DGAT2: variants seen among roughly 807,000 people sequenced by gnomAD.
The protein encoded by DGAT2 is acyl-CoA retinol O-fatty-acyltransferase.
Under a neutral mutation model 48.4 loss-of-function variants are expected in DGAT2, and 33 were observed. That is an observed-to-expected ratio of 0.68 (90% CI 0.52 to 0.91). DGAT2 has a LOEUF of 0.91. DGAT2 is among the 40% of genes least tolerant of loss of function. DGAT2 has a pLI of 0.00. For synonymous variants in DGAT2, 191 were observed against 194.1 expected, an observed-to-expected ratio of 0.98 and a Z score of 0.13; for missense variants, 446 against 493.7, an observed-to-expected ratio of 0.90 and a Z score of 0.92.
chr11:75,794,393 A>G (rs1052738807), intron 4 of DGAT2: 7 of 152,232 alleles, frequency 4.6e-5, no homozygotes, highest in Non-Finnish European at 1.0e-4. Context: ...GGCACTTTGC[A>G]GCACTCAGGT....
chr11:75,796,191 G>T, intron 4 of DGAT2, 137 bp from the exon 5 acceptor site: 1 of 724,356 alleles, frequency 1.4e-6, no homozygotes, highest in Non-Finnish European at 2.4e-6. Flanking sequence ...TCTGAGGTAA[G>T]GTGTGGAGAT....
intron 1 of DGAT2, among the ~76,000 whole-genome samples, chr11:75,770,866 C>G (rs898867223): frequency 6.6e-6 from 1 of 151,992 alleles, no homozygotes; most frequent in African/African-American, 2.4e-5. Context: ...GTATGAAATG[C>G]AAACCAGTCA....
intron 6 of DGAT2, among the ~76,000 whole-genome samples, chr11:75,797,823 A>AG (rs1183985085): frequency 6.6e-6 from 1 of 151,810 alleles, no homozygotes; most frequent in Non-Finnish European, 1.5e-5. Context: ...AGGGTGGGGG[A>AG]GGGTAGAGGG....
Position 75,800,770 on chromosome 11 carries a change from T to C in DGAT2, c.*262T>C. ...CAGCTAACCTCTCTTCTTCCCTTCC[T>C]GAAGTGACAAAGGAAACTCAGTCTT... On this transcript the variant is annotated 3_prime_UTR_variant, in exon 8 of 8. Coordinates refer to ENST00000228027, the MANE Select transcript of DGAT2 (RefSeq NM_032564.5). The C allele has an allele frequency of 2.5e-6, 1 of 407,658 alleles. No individual in the cohort carries two copies. Among genetic ancestry groups the C allele is most frequent in the Non-Finnish European group, 4.4e-6 (1 of 225,234 alleles). 25.3% of individuals were successfully genotyped at this position (407,658 alleles called of 1,614,324 possible). A position where few individuals can be genotyped will look rare whatever the true frequency, so the allele number is the denominator to read the frequency against.
chr11:75,800,546 G>C lies in DGAT2; in HGVS notation c.*38G>C. ...GGCCAATTCCCTGGAGGAACCAGCT[G>C]CAAATCACTTTTTTGCTCTGTAAAT... On this transcript the variant is annotated 3_prime_UTR_variant, in exon 8 of 8. Transcript: ENST00000228027. The C allele has an allele frequency of 6.2e-7, 1 of 1,603,714 alleles. No individual in the cohort carries two copies. The highest frequency in any genetic ancestry group is 8.5e-7 in the Non-Finnish European group (1 of 1,174,950).
intron 1 of DGAT2, chr11:75,776,326 A>G: frequency 6.6e-6 from 1 of 152,292 alleles, no homozygotes; most frequent in East Asian, 1.9e-4. Flanking sequence ...ACCAGGGCCC[A>G]GATGAATGAG....
chr11:75,793,987 G>C (rs1056527254), intron 4 of DGAT2: 3 of 152,232 alleles, frequency 2.0e-5, no homozygotes, highest in Admixed American at 1.3e-4. Flanking sequence ...CTATGGATTA[G>C]ACTGCTGCTG....
rs763346691 is a variant in DGAT2 at position 75,797,218 on chromosome 11, A to G, written c.695A>G (p.Asn232Ser). Residue 232 changes from asparagine (N) to serine (S), a missense_variant, in exon 6 of 8, where the codon AAT becomes AGT. Coordinates refer to ENST00000228027, the MANE Select transcript of DGAT2 (RefSeq NM_032564.5). The stretch of plus-strand genomic sequence containing the variant: ...TTGCTTTCAAAGAATGGGAGTGGCA[A>G]TGCTATCATCATCGTGGTCGGGGGT... The part of the protein sequence containing the change: ...DYLLSKNGSG[N>S]AIIIVVGGAA... 3.8e-6 allele frequency: 6 copies of G among 1,579,004 alleles called. No individual in the cohort carries two copies. Among genetic ancestry groups the G allele is most frequent in the African/African-American group, 2.7e-5 (2 of 73,130 alleles).
At position 75,769,052 on chromosome 11, in the gene DGAT2, G is replaced by C; in HGVS notation, c.61G>C (p.Asp21His). 6.3e-7 allele frequency: 1 copy of C among 1,580,406 alleles called. No individual in the cohort carries two copies. Among genetic ancestry groups the C allele is most frequent in the East Asian group, 2.4e-5 (1 of 40,942 alleles). ...GCGCGGCGAGCGTCAGGCCGAGGCT[G>C]ACCGGAGCCAGCGCTCTCACGGAGG... ...VLRGERQAEA[D>H]RSQRSHGGPA... The change falls in exon 1 of 8, where the codon GAC becomes CAC. Residue 21 changes from aspartate (D) to histidine (H), a missense_variant. Physicochemically the swap from Asp to His is moderately conservative, Grantham distance 81. Transcript: ENST00000228027.
chr11:75,785,330 G>GC (rs1944910116), intron 2 of DGAT2, among the ~76,000 whole-genome samples: 1 of 152,154 alleles, frequency 6.6e-6, no homozygotes, highest in South Asian at 2.1e-4. Context: ...GTCATGATGG[G>GC]CCCCCATTAC....
chr11:75,783,663 G>T (rs1272190024), intron 1 of DGAT2, among the ~76,000 whole-genome samples: 1 of 152,128 alleles, frequency 6.6e-6, no homozygotes, highest in Non-Finnish European at 1.5e-5. Flanking sequence ...AGCAAAGAGG[G>T]GTTTGAGGTG....
intron 2 of DGAT2, among the ~76,000 whole-genome samples, chr11:75,788,642 G>A (rs191880754): frequency 7.2e-4 from 109 of 152,310 alleles, no homozygotes; most frequent in African/African-American, 2.6e-3. Flanking sequence ...AACCAAAGGA[G>A]GCTCAACATG....
chr11:75,783,893 C>T (rs995262226), intron 1 of DGAT2, among the ~76,000 whole-genome samples: 2 of 152,208 alleles, frequency 1.3e-5, no homozygotes, highest in African/African-American at 4.8e-5. Flanking sequence ...AACATAATTA[C>T]AGCCCTCAGT....
intron 7 of DGAT2, 120 bp downstream of exon 7, chr11:75,798,549 A>G (rs571760342): frequency 8.6e-7 from 1 of 1,156,968 alleles, no homozygotes; most frequent in East Asian, 2.6e-5. Context: ...GCCCTTAGCC[A>G]TGAGGACTTT....
intron 1 of DGAT2, among the ~76,000 whole-genome samples, chr11:75,784,153 G>A (rs1340311406): frequency 6.6e-6 from 1 of 152,120 alleles, no homozygotes; most frequent in East Asian, 1.9e-4. Context: ...GATGCTCAAA[G>A]TACACTTGGA....
chr11:75,797,532 T>A (rs1391748613), intron 6 of DGAT2, among the ~76,000 whole-genome samples, 200 bp downstream of exon 6: 1 of 152,192 alleles, frequency 6.6e-6, no homozygotes, highest in Non-Finnish European at 1.5e-5. Flanking sequence ...TGGGCACAGA[T>A]GCAACCTGTG....
chr11:75,796,554 TC>T (rs1292960979), intron 5 of DGAT2, 22 bp downstream of exon 5: 1 of 1,606,958 alleles, frequency 6.2e-7, no homozygotes, highest in Non-Finnish European at 8.5e-7. Context: ...CCCCCTGTGC[TC>T]CTGCTGGGCA....
In DGAT2 at chr11:75,800,407, G is replaced by A. The variant is rs537539523; in HGVS notation, c.1066G>A (p.Asp356Asn). 9 of 1,614,110 alleles carry A rather than the reference G, an allele frequency of 5.6e-6. No homozygotes were observed. Among genetic ancestry groups the A allele is most frequent in the African/African-American group, 1.3e-5 (1 of 75,038 alleles). The change falls in exon 8 of 8, where the codon GAC becomes AAC. Residue 356 changes from aspartate (D) to asparagine (N), a missense_variant. Asp to Asn is a conservative substitution (Grantham distance 23). Transcript: ENST00000228027. Reference sequence around the variant, plus strand: ...GGAGCACCCAACCCAGCAAGACATCGACCTGTACCACACCATGTACATGGA... The same window carrying A: ...GGAGCACCCAACCCAGCAAGACATCAACCTGTACCACACCATGTACATGGA... ...KLEHPTQQDIDLYHTMYMEAL... is the reference protein window; with the variant it reads ...KLEHPTQQDINLYHTMYMEAL...
At position 75,778,833 on chromosome 11, in the gene DGAT2, C is replaced by CAAA. The variant is rs746636359; in HGVS notation, c.122-5765_122-5763dup. Among the ~76,000 whole-genome samples, 236 of 68,334 alleles carry CAAA rather than the reference C, an allele frequency of 3.5e-3. 4 individuals are homozygous for CAAA. Among genetic ancestry groups the CAAA allele is most frequent in the African/African-American group, 5.5e-3 (120 of 21,712 alleles). The allele number at this position is 68,334 out of a possible 152,430, so 44.8% of individuals were successfully genotyped here. A position where few individuals can be genotyped will look rare whatever the true frequency, so the allele number is the denominator to read the frequency against. On this transcript the variant is annotated intron_variant, in intron 1 of 7. Coordinates refer to ENST00000228027, the MANE Select transcript of DGAT2 (RefSeq NM_032564.5). The stretch of plus-strand genomic sequence containing the variant: ...TGGGCGACAGATCGGGACTCCGTCT[C>CAAA]AAAAAAAAAAAAAAAAAAAAAATTT...
Sources: allele counts gnomAD v4.1 joint callset (sites outside exome capture counted in the v4.1 genomes callset), GRCh38; gene constraint gnomAD v4.1.1; transcripts MANE v1.5; gene names NCBI Gene and HGNC (gene_info 2026-07-23, HGNC 2026-07-21).